TRPM1: variants seen among roughly 807,000 people sequenced by gnomAD.
TRPM1 encodes the protein TRPM1-203 APA Isoform, Intron 10.
TRPM1 carries 113 observed loss-of-function variants against 149.4 expected under a neutral mutation model. The ratio of observed to expected loss-of-function variants is 0.76; its 90% confidence interval spans 0.65 to 0.88. The LOEUF (loss-of-function observed/expected upper bound fraction) is 0.88, where lower values mean the gene tolerates loss of function less well. Among genes scored for constraint, TRPM1 ranks in the 40% least tolerant of loss-of-function variants. The probability of loss-of-function intolerance (pLI) is 0.00; values close to 1 mark genes in which losing one functional copy is unlikely to be tolerated. For synonymous variants in TRPM1, 741 were observed against 759.5 expected (o/e 0.98, Z 0.40); for missense variants, 1,976 against 2,038.7 (o/e 0.97, Z 0.59).
intron 1 of TRPM1, chr15:31,160,776 C>A: frequency 1.0e-6 from 1 of 992,996 alleles, no homozygotes; most frequent in Non-Finnish European, 1.5e-6. Context: ...CCCCATGCCC[C>A]ATGCCCACCC....
At chr15:31,147,916 C>T (rs113394386) in intron 1 of TRPM1, among the ~76,000 whole-genome samples, 2 of 152,178 alleles carry the variant, frequency 1.3e-5, no homozygotes, top group African/African-American at 2.4e-5. Context: ...CTTCGGTTTA[C>T]GGCTTCTGAT....
rs1365041218 is a variant in TRPM1, at chr15:31,002,276, T to TTAAC, written c.4420_4423dup (p.Asn1475SerfsTer2). Reference sequence around the variant, plus strand: ...GATTGAACTGTACTCTACATCCTGGTTAACCCCACCGACCAGCTTTCTTCC... The same window carrying TTAAC: ...GATTGAACTGTACTCTACATCCTGGTTAACTAACCCCACCGACCAGCTTTCTTCC... On this transcript the variant is annotated stop_gained and frameshift_variant, in exon 28 of 28. Transcript: ENST00000256552. LOFTEE classifies it low-confidence loss of function (END_TRUNC). 6.2e-7 allele frequency: 1 copy of TTAAC among 1,614,274 alleles called. No homozygotes were observed. The highest frequency in any genetic ancestry group is 8.5e-7 in the Non-Finnish European group (1 of 1,180,056).
intron 1 of TRPM1, among the ~76,000 whole-genome samples, chr15:31,088,435 T>G (rs1441996869): frequency 1.3e-5 from 2 of 152,190 alleles, no homozygotes; most frequent in Non-Finnish European, 2.9e-5. Flanking sequence ...CTTTAAGAGC[T>G]GTAACACTGA....
At chr15:31,127,108 G>A (rs8031038) in intron 1 of TRPM1, among the ~76,000 whole-genome samples, 74,881 of 152,132 alleles carry the variant, frequency 0.49, 19,010 homozygotes, top group Middle Eastern at 0.55. Flanking sequence ...ACCCCATGAA[G>A]CTGGTTTGTG....
chr15:31,119,787 T>C (rs908311526), intron 1 of TRPM1, among the ~76,000 whole-genome samples: 2 of 152,158 alleles, frequency 1.3e-5, no homozygotes, highest in Non-Finnish European at 2.9e-5. Flanking sequence ...AGTGATATAG[T>C]GTTAATTGAA....
chr15:31,039,103 C>G (rs2033525883), intron 18 of TRPM1, among the ~76,000 whole-genome samples: 1 of 148,470 alleles, frequency 6.7e-6, no homozygotes, highest in Non-Finnish European at 1.5e-5. Flanking sequence ...ATTCTTTTCT[C>G]ATGCTTTTTG....
At chr15:31,026,870 A>G (rs1399646356) in intron 26 of TRPM1, 45 bp downstream of exon 26, 4 of 1,594,672 alleles carry the variant, frequency 2.5e-6, no homozygotes, top group Non-Finnish European at 3.4e-6. Context: ...TTTGAACACT[A>G]TTTTGAAATC....
chr15:31,088,356 C>G (rs181983715), intron 1 of TRPM1, among the ~76,000 whole-genome samples: 1 of 152,196 alleles, frequency 6.6e-6, no homozygotes, highest in Non-Finnish European at 1.5e-5. Context: ...AAGCTTTCTT[C>G]TTTTTGTTCT....
At chr15:31,035,784 A>T in intron 20 of TRPM1, 110 bp from the exon 21 acceptor site, 1 of 1,485,434 alleles carries the variant, frequency 6.7e-7, no homozygotes, top group Non-Finnish European at 9.3e-7. Flanking sequence ...TTTGTTTCCA[A>T]CTGGACTGAC....
chr15:31,032,785 G>C lies in TRPM1; in HGVS notation c.2856C>G (p.Ile952Met). ...ACCAGAAGATGATATCCACACAGTA[G>C]ATCACCCGGCCATAGCCCATGTAGG... ...NQPYMGYGRV[I>M]YCVDIIFWYI... Residue 952 changes from isoleucine to methionine, a missense_variant, in exon 22 of 28, where the codon ATC becomes ATG. Physicochemically the swap from Ile to Met is conservative, Grantham distance 10. Transcript: ENST00000256552. 1 of 1,614,192 alleles carries C rather than the reference G, an allele frequency of 6.2e-7. No homozygotes were observed. Among genetic ancestry groups the C allele is most frequent in the Non-Finnish European group, 8.5e-7 (1 of 1,180,036 alleles).
chr15:31,083,866 A>G (rs1379429098), intron 1 of TRPM1, among the ~76,000 whole-genome samples: 1 of 152,130 alleles, frequency 6.6e-6, no homozygotes, highest in African/African-American at 2.4e-5. Flanking sequence ...TCACCTGCAA[A>G]ATGAGGACAA....
At chr15:31,061,649 T>G (rs545489171) in intron 9 of TRPM1, 135 bp from the exon 10 acceptor site, 3 of 736,800 alleles carry the variant, frequency 4.1e-6, no homozygotes, top group South Asian at 3.2e-5. Context: ...AAGCAAGTGC[T>G]GTTGATTTCT....
intron 16 of TRPM1, among the ~76,000 whole-genome samples, chr15:31,043,425 C>T (rs1159751489): frequency 6.6e-6 from 1 of 151,986 alleles, no homozygotes; most frequent in Non-Finnish European, 1.5e-5. Context: ...ATCTCCTGAC[C>T]TCGTGGTCCT....
At chr15:31,073,444 T>A (rs889075629) in intron 3 of TRPM1, among the ~76,000 whole-genome samples, 12 of 152,140 alleles carry the variant, frequency 7.9e-5, no homozygotes, top group African/African-American at 2.9e-4. Context: ...ATGTGAGTCC[T>A]CCTATTATTC....
intron 4 of TRPM1, chr15:31,069,704 G>A (rs2034478071): frequency 7.0e-7 from 1 of 1,424,838 alleles, no homozygotes; most frequent in African/African-American, 1.4e-5. Context: ...CAGGTCCACA[G>A]TTATTAGAAA....
intron 1 of TRPM1, among the ~76,000 whole-genome samples, chr15:31,130,364 G>A (rs1248186049): frequency 1.3e-5 from 2 of 152,180 alleles, no homozygotes; most frequent in Non-Finnish European, 2.9e-5. Context: ...AACTGTCCTT[G>A]TTCATTCCTG....
intron 1 of TRPM1, among the ~76,000 whole-genome samples, chr15:31,124,932 G>A (rs12915948): frequency 0.19 from 28,913 of 152,092 alleles, 2,921 homozygotes; most frequent in Admixed American, 0.23. Context: ...CCAACACTTT[G>A]GGAGGCCGAG....
intron 1 of TRPM1, among the ~76,000 whole-genome samples, chr15:31,149,662 A>G (rs376178674): frequency 0.015 from 2,351 of 151,944 alleles, 57 homozygotes; most frequent in African/African-American, 0.05. Flanking sequence ...TGGGACTACA[A>G]GCACCCGCCA....
At position 31,002,680 on chromosome 15, in the gene TRPM1, T is replaced by C; in HGVS notation, c.4020A>G (p.Pro1340=). 6.2e-7 allele frequency: 1 copy of C among 1,614,238 alleles called. No homozygotes were observed. Residue 1340 remains proline (P), a synonymous_variant, in exon 28 of 28, where the codon CCA becomes CCG. Transcript: ENST00000256552. ...EEKDVKTHLV[P]ECQNSLHLSL... is the part of the protein sequence containing the mutation. ...AAAGGTGAAGACTGTTCTGACATTC[T>C]GGGACTAGGTGCGTTTTCACGTCCT...
Sources: gnomAD v4.1 joint callset for allele counts (sites outside exome capture counted in the v4.1 genomes callset) on GRCh38, gnomAD v4.1.1 for gene constraint, MANE v1.5 for transcripts, NCBI Gene and HGNC (gene_info 2026-07-23, HGNC 2026-07-21) for gene names.